Variants in LRFN5 observed in about 807,000 individuals in gnomAD.
LRFN5 encodes leucine-rich repeat and fibronectin type-III domain-containing protein 5.
A neutral mutation model predicts 45.6 loss-of-function variants in LRFN5; 24 were observed. The observed-to-expected ratio is 0.53, with a 90% CI of 0.38 to 0.74. The LOEUF (loss-of-function observed/expected upper bound fraction) is 0.74. Among genes scored for constraint, LRFN5 ranks in the 30% least tolerant of loss-of-function variants. The pLI, the probability that LRFN5 is intolerant of heterozygous loss-of-function variation, is 0.00. For synonymous variants in LRFN5, 340 were observed against 313.8 expected, an observed-to-expected ratio of 1.08 and a Z score of -0.88; for missense variants, 776 against 861.5, an observed-to-expected ratio of 0.90 and a Z score of 1.24.
At chr14:41,844,844 G>T (rs1040471218) in intron 2 of LRFN5, among the ~76,000 whole-genome samples, 1 of 151,962 alleles carries the variant, frequency 6.6e-6, no homozygotes, top group African/African-American at 2.4e-5. Flanking sequence ...TTTTCATATA[G>T]CTGTGAATTG....
chr14:41,678,384 C>A (rs1027518634), intron 1 of LRFN5, among the ~76,000 whole-genome samples: 2 of 151,734 alleles, frequency 1.3e-5, no homozygotes, highest in African/African-American at 4.8e-5. Context: ...ACAACAGAGG[C>A]CCAAATTTAT....
At chr14:41,805,558 C>A (rs1887495812) in intron 2 of LRFN5, among the ~76,000 whole-genome samples, 1 of 147,078 alleles carries the variant, frequency 6.8e-6, no homozygotes, top group Non-Finnish European at 1.5e-5. Context: ...CCTCCACCCC[C>A]CCCACCCCAC....
chr14:41,894,862 C>T, intron 4 of LRFN5: 3 of 981,974 alleles, frequency 3.1e-6, no homozygotes, highest in Non-Finnish European at 3.6e-6. Flanking sequence ...TCTTGTTTTG[C>T]TTTCTGTCAT....
At position 41,608,504 on chromosome 14, in the gene LRFN5, G is replaced by A. The variant is rs1340770240; in HGVS notation, c.-255G>A. 2.0e-5 allele frequency: 3 copies of A among 152,692 alleles called. No homozygotes were observed. The highest frequency in any genetic ancestry group is 4.4e-5 in the Non-Finnish European group (3 of 68,102). 9.5% of individuals were successfully genotyped at this position (152,692 alleles called of 1,614,324 possible). On this transcript the variant is annotated 5_prime_UTR_variant, in exon 1 of 6. Transcript: ENST00000298119. ...AAAGCCACCTGGAGCCACCTTGCCG[G>A]GATTGTACCTGCAGGCAGAAAGTCT...
intron 2 of LRFN5, among the ~76,000 whole-genome samples, chr14:41,771,392 A>G (rs565120607): frequency 4.0e-5 from 6 of 151,728 alleles, no homozygotes; most frequent in Non-Finnish European, 8.8e-5. Flanking sequence ...TTTCTCTGTC[A>G]CTTGGCCAGT....
intron 1 of LRFN5, among the ~76,000 whole-genome samples, chr14:41,683,221 T>C (rs1881981355): frequency 1.3e-5 from 2 of 152,200 alleles, no homozygotes; most frequent in African/African-American, 4.8e-5. Flanking sequence ...AAAAAATCCA[T>C]ATGATCATTT....
chr14:41,877,292 AG>A (rs1890218044), intron 2 of LRFN5, among the ~76,000 whole-genome samples: 1 of 152,206 alleles, frequency 6.6e-6, no homozygotes, highest in Non-Finnish European at 1.5e-5. Context: ...TTACGGGTGC[AG>A]AATACTATGC....
At chr14:41,785,524 C>T (rs897559887) in intron 2 of LRFN5, among the ~76,000 whole-genome samples, 1 of 152,068 alleles carries the variant, frequency 6.6e-6, no homozygotes. Flanking sequence ...CATATGGCAG[C>T]GGTCCCCAAA....
intron 1 of LRFN5, among the ~76,000 whole-genome samples, chr14:41,744,460 TGAG>T (rs1336096005): frequency 6.6e-6 from 1 of 151,972 alleles, no homozygotes; most frequent in African/African-American, 2.4e-5. Flanking sequence ...GTGTAGGAAA[TGAG>T]GAGCATTATT....
At chr14:41,717,624 C>T (rs2138761215) in intron 1 of LRFN5, among the ~76,000 whole-genome samples, 1 of 152,214 alleles carries the variant, frequency 6.6e-6, no homozygotes, top group East Asian at 1.9e-4. Context: ...TGTTTTAAAC[C>T]AGCTAAAGTT....
At chr14:41,830,587 T>C (rs2139032337) in intron 2 of LRFN5, among the ~76,000 whole-genome samples, 1 of 152,224 alleles carries the variant, frequency 6.6e-6, no homozygotes, top group Non-Finnish European at 1.5e-5. Context: ...GAATAAAGAA[T>C]GAATTATAGG....
At chr14:41,890,656 G>A (rs1031240063) in intron 3 of LRFN5, among the ~76,000 whole-genome samples, 4 of 150,142 alleles carry the variant, frequency 2.7e-5, no homozygotes, top group Non-Finnish European at 4.4e-5. Context: ...TCATTGAGCC[G>A]AGATTGCGCC....
intron 1 of LRFN5, among the ~76,000 whole-genome samples, chr14:41,635,744 G>A (rs1369657193): frequency 6.6e-6 from 1 of 151,992 alleles, no homozygotes; most frequent in African/African-American, 2.4e-5. Flanking sequence ...ATCATGTTTG[G>A]GTATAAGGAA....
At chr14:41,766,005 G>T (rs1282124746) in intron 1 of LRFN5, among the ~76,000 whole-genome samples, 2 of 151,950 alleles carry the variant, frequency 1.3e-5, no homozygotes, top group Non-Finnish European at 2.9e-5. Flanking sequence ...TCAAGTTGCT[G>T]TTTCATCTTA....
Position 41,856,688 on chromosome 14 carries a change from T to A in LRFN5, c.-20-29918T>A, listed in dbSNP as rs1376961094. Among the ~76,000 whole-genome samples, 36 of 88,226 alleles carry A rather than the reference T, an allele frequency of 4.1e-4. 2 individuals carry two copies. Among genetic ancestry groups the A allele is most frequent in the African/African-American group, 1.3e-3 (30 of 23,948 alleles). 57.9% of individuals were successfully genotyped at this position (88,226 alleles called of 152,430 possible). ...ATTATTATTATTATTTTTTTTTTTT[T>A]TTTTTTGAGACGGAGTCTCGTTCTG... On this transcript the variant is annotated intron_variant, in intron 2 of 5. Transcript: ENST00000298119.
At position 41,813,657 on chromosome 14, in the gene LRFN5, G is replaced by T. The variant is rs1887815537; in HGVS notation, c.-21+46628G>T. Among the ~76,000 whole-genome samples, 6 of 152,084 alleles carry T rather than the reference G, an allele frequency of 3.9e-5. No homozygotes were observed. The South Asian group carries it at 1.2e-3, about 32-fold the overall frequency. Reference sequence around the variant, plus strand: ...GAATAGTGCCACAATAAACATATGTGTGCGTGTGTCTTTACAGTAGAATGA... The same window carrying T: ...GAATAGTGCCACAATAAACATATGTTTGCGTGTGTCTTTACAGTAGAATGA... On this transcript the variant is annotated intron_variant, in intron 2 of 5. Transcript: ENST00000298119.
intron 2 of LRFN5, among the ~76,000 whole-genome samples, chr14:41,843,835 T>C (rs1888953771): frequency 6.6e-6 from 1 of 152,036 alleles, no homozygotes; most frequent in South Asian, 2.1e-4. Context: ...AAAGGAAAGA[T>C]AAAGAAGATA....
intron 1 of LRFN5, among the ~76,000 whole-genome samples, chr14:41,734,024 C>CTTTTTTTT (rs1241948731): frequency 6.2e-4 from 72 of 115,496 alleles, no homozygotes; most frequent in African/African-American, 2.6e-3. Context: ...CTTTTCTTTT[C>CTTTTTTTT]TTTTCTTTTT....
intron 2 of LRFN5, among the ~76,000 whole-genome samples, chr14:41,850,731 T>C (rs1889237662): frequency 6.6e-6 from 1 of 151,890 alleles, no homozygotes; most frequent in Admixed American, 6.6e-5. Context: ...TGTTATAGGA[T>C]CACCAGTTGG....
Sources: allele counts gnomAD v4.1 joint callset (sites outside exome capture counted in the v4.1 genomes callset), GRCh38; gene constraint gnomAD v4.1.1; transcripts MANE v1.5; gene names NCBI Gene and HGNC (gene_info 2026-07-23, HGNC 2026-07-21).